Variants in LAMP1 observed in about 807,000 individuals in gnomAD.
LAMP1 encodes lysosome associated membrane protein 1.
Under a neutral mutation model 37.5 loss-of-function variants are expected in LAMP1, and 7 were observed. The observed-to-expected ratio is 0.19, with a 90% CI of 0.11 to 0.35. The LOEUF is 0.35. Ranked by LOEUF, LAMP1 falls within the 10% of genes least tolerant of loss-of-function variation. The pLI, the probability that LAMP1 is intolerant of heterozygous loss-of-function variation, is 1.00. For synonymous variants in LAMP1, 236 were observed against 229.1 expected (o/e 1.03, Z -0.27); for missense variants, 537 against 552.8 (o/e 0.97, Z 0.29).
intron 2 of LAMP1, among the ~76,000 whole-genome samples, chr13:113,307,412 C>T (rs1215599616): frequency 6.6e-6 from 1 of 152,000 alleles, no homozygotes; most frequent in African/African-American, 2.4e-5. Context: ...CCTGCCTTGG[C>T]CTCCCAAAGT....
intron 4 of LAMP1, 49 bp downstream of exon 4, chr13:113,310,916 G>A: frequency 6.6e-7 from 1 of 1,525,276 alleles, no homozygotes; most frequent in Non-Finnish European, 9.0e-7. Context: ...GGGTAGCTGG[G>A]CTGCAGTGGC....
At chr13:113,314,860 G>A (rs2042651938) in intron 4 of LAMP1, among the ~76,000 whole-genome samples, 1 of 131,514 alleles carries the variant, frequency 7.6e-6, no homozygotes, top group Non-Finnish European at 1.6e-5. Context: ...GGCAGCCAGT[G>A]TGGAGATGCC....
Position 113,321,548 on chromosome 13 carries a change from G to A in LAMP1, c.944-9G>A, listed in dbSNP as rs767991122. ...TTCTGGAGCCACTAGACCTCTGTGT[G>A]TGTTGCAGACCCTGCCTTTAAAGCT... On this transcript the variant is annotated splice_polypyrimidine_tract_variant and intron_variant, in intron 7 of 8. Coordinates refer to ENST00000332556, the MANE Select transcript of LAMP1 (RefSeq NM_005561.4). This position sits in a 1 kb window ranked among gnomAD's most constrained non-coding sequence, Gnocchi z 5.6. 2 of 1,613,940 alleles carry A rather than the reference G, an allele frequency of 1.2e-6. No homozygotes were observed. The highest frequency in any genetic ancestry group is 3.3e-5 in the Admixed American group (2 of 60,000).
At chr13:113,317,128 G>T (rs2139372873) in intron 4 of LAMP1, among the ~76,000 whole-genome samples, 1 of 152,310 alleles carries the variant, frequency 6.6e-6, no homozygotes, top group South Asian at 2.1e-4. Context: ...AGGAGGAGGG[G>T]CCTTCAGAGC....
In LAMP1 at chr13:113,310,760, A is replaced by G; in HGVS notation, c.455A>G (p.Lys152Arg). Residue 152 changes from lysine to arginine, a missense_variant, in exon 4 of 9, where the codon AAA becomes AGA. Physicochemically the swap from Lys to Arg is conservative, Grantham distance 26. Coordinates refer to ENST00000332556, the MANE Select transcript of LAMP1 (RefSeq NM_005561.4). The stretch of plus-strand genomic sequence containing the variant: ...GACATCAGGGCAGATATAGATAAAA[A>G]ATACAGATGTGTTAGTGGCACCCAG... ...ITDIRADIDK[K>R]YRCVSGTQVH... 3 of 1,613,562 alleles carry G rather than the reference A, an allele frequency of 1.9e-6. No homozygotes were observed. The highest frequency in any genetic ancestry group is 2.5e-6 in the Non-Finnish European group (3 of 1,179,702).
In LAMP1 at chr13:113,322,146, A is replaced by G. The variant is rs145909922; in HGVS notation, c.1115-136A>G. Reference sequence around the variant, plus strand: ...TCTGCAGCGGCTTCCCCAAGTGACAATTCCAGCTAGAGCTGGAACCTTCCG... The same window carrying G: ...TCTGCAGCGGCTTCCCCAAGTGACAGTTCCAGCTAGAGCTGGAACCTTCCG... On this transcript the variant is annotated intron_variant, in intron 8 of 8. Transcript: ENST00000332556. 71 of 1,005,002 alleles carry G rather than the reference A, an allele frequency of 7.1e-5. No individual in the cohort carries two copies. The East Asian group carries it at 1.6e-3, about 23-fold the overall frequency. The allele number at this position is 1,005,002 out of a possible 1,614,324, so 62.3% of individuals were successfully genotyped here. A position where few individuals can be genotyped will look rare whatever the true frequency, so the allele number is the denominator to read the frequency against.
intron 4 of LAMP1, among the ~76,000 whole-genome samples, chr13:113,317,609 T>C (rs2042673463): frequency 6.6e-6 from 1 of 151,780 alleles, no homozygotes; most frequent in South Asian, 2.1e-4. Flanking sequence ...TAGACTAGAA[T>C]TTGGACAAGA....
At chr13:113,309,886 A>G in intron 3 of LAMP1, 24 bp downstream of exon 3, 1 of 1,572,108 alleles carries the variant, frequency 6.4e-7, no homozygotes. Context: ...TGGGCCGATT[A>G]TGAAGTGATA....
At chr13:113,315,910 C>T (rs2042661024) in intron 4 of LAMP1, among the ~76,000 whole-genome samples, 1 of 151,860 alleles carries the variant, frequency 6.6e-6, no homozygotes, top group Non-Finnish European at 1.5e-5. Flanking sequence ...CGAGACCAGC[C>T]TGGCCAACAT....
At position 113,310,790 on chromosome 13, in the gene LAMP1, A is replaced by G; in HGVS notation, c.485A>G (p.His162Arg). 6.2e-7 allele frequency: 1 copy of G among 1,613,934 alleles called. No individual in the cohort carries two copies. The highest frequency in any genetic ancestry group is 8.5e-7 in the Non-Finnish European group (1 of 1,179,894). ...AGATGTGTTAGTGGCACCCAGGTCCACATGAACAACGTGACCGTAACGCTC... is the reference window on the plus strand; with the variant it reads ...AGATGTGTTAGTGGCACCCAGGTCCGCATGAACAACGTGACCGTAACGCTC... ...KYRCVSGTQV[H>R]MNNVTVTLHD... Residue 162 changes from histidine to arginine, a missense_variant, in exon 4 of 9, where the codon CAC becomes CGC. Transcript: ENST00000332556.
At chr13:113,301,634 AAAAAAAAAAAATATAT>A (rs1258395083) in intron 1 of LAMP1, among the ~76,000 whole-genome samples, 7 of 20,198 alleles carry the variant, frequency 3.5e-4, no homozygotes, top group African/African-American at 1.2e-3. Context: ...ATTTAAAAAA[AAAAAAAAAAAATATAT>A]ATATATATAT....
At chr13:113,312,561 C>G (rs565293282) in intron 4 of LAMP1, among the ~76,000 whole-genome samples, 1 of 152,174 alleles carries the variant, frequency 6.6e-6, no homozygotes, top group Non-Finnish European at 1.5e-5. Flanking sequence ...GATGGGGCCA[C>G]GTGGGCTCCC....
chr13:113,310,963 G>A, intron 4 of LAMP1, 96 bp downstream of exon 4: 2 of 1,058,546 alleles, frequency 1.9e-6, no homozygotes, highest in Non-Finnish European at 1.4e-6. Flanking sequence ...CTGGTGCTGG[G>A]CTCTGCCTGG....
chr13:113,320,333 T>C lies in LAMP1; in HGVS notation c.751-12T>C. The C allele has an allele frequency of 1.2e-6, 2 of 1,614,084 alleles. No homozygotes were observed. Among genetic ancestry groups the C allele is most frequent in the African/African-American group, 1.3e-5 (1 of 75,056 alleles). The stretch of plus-strand genomic sequence containing the variant: ...GAGCTAGGGTGGTGACTTGCTTGCT[T>C]GTCTTATGCAGACGGTGACAAGGCT... On this transcript the variant is annotated splice_polypyrimidine_tract_variant and intron_variant, in intron 5 of 8. Transcript: ENST00000332556. This position sits in a 1 kb window ranked among gnomAD's most constrained non-coding sequence, Gnocchi z 4.4.
intron 4 of LAMP1, 93 bp from the exon 5 acceptor site, chr13:113,319,376 C>T (rs2042684435): frequency 8.6e-7 from 1 of 1,159,436 alleles, no homozygotes; most frequent in South Asian, 1.5e-5. Flanking sequence ...CCAGAGTCCA[C>T]AGATGTAGTT....
chr13:113,316,756 G>A (rs1566402844), intron 4 of LAMP1, among the ~76,000 whole-genome samples: 1 of 151,634 alleles, frequency 6.6e-6, no homozygotes, highest in Non-Finnish European at 1.5e-5. Context: ...AACAGAGTCT[G>A]ACTCCTAGCT....
At chr13:113,310,457 C>T (rs564920718) in intron 3 of LAMP1, among the ~76,000 whole-genome samples, 37 of 152,160 alleles carry the variant, frequency 2.4e-4, no homozygotes, top group African/African-American at 8.2e-4. Flanking sequence ...ACCCAGAAGG[C>T]GGAGGTTGCA....
chr13:113,315,145 G>A (rs2042654732), intron 4 of LAMP1, among the ~76,000 whole-genome samples: 1 of 143,626 alleles, frequency 7.0e-6, no homozygotes, highest in Non-Finnish European at 1.5e-5. Context: ...GAGGGAGTCA[G>A]TGCGGAGATG....
At position 113,312,173 on chromosome 13, in the gene LAMP1, A is replaced by C. The variant is rs575123801; in HGVS notation, c.562+1306A>C. Among the ~76,000 whole-genome samples the C allele has an allele frequency of 2.0e-5, 3 of 152,336 alleles. No individual in the cohort carries two copies. The East Asian group carries it at 5.8e-4, about 29-fold the overall frequency. On this transcript the variant is annotated intron_variant, in intron 4 of 8. Transcript: ENST00000332556. ...CTCCCCGAGGAGCAGGTACTCTTGC[A>C]GGTCGGCACCCCATGGTGCTGGGCC...
Sources: gnomAD v4.1 joint callset for allele counts (sites outside exome capture counted in the v4.1 genomes callset) on GRCh38, gnomAD v4.1.1 for gene constraint, Gnocchi (gnomAD v3.1) non-coding constraint, MANE v1.5 for transcripts, NCBI Gene and HGNC (gene_info 2026-07-23, HGNC 2026-07-21) for gene names.